ACACA: variants seen among roughly 807,000 people sequenced by gnomAD.
ACACA encodes acetyl-CoA carboxylase 1.
ACACA carries 103 observed loss-of-function variants against 296.1 expected under a neutral mutation model. That is an observed-to-expected ratio of 0.35 (90% CI 0.30 to 0.41). ACACA has a LOEUF of 0.41. ACACA is among the 10% of genes least tolerant of loss of function. The pLI is 1.00. For synonymous variants in ACACA, 953 were observed against 1,038.6 expected, an observed-to-expected ratio of 0.92 and a Z score of 1.58; for missense variants, 1,554 against 2,989.7, an observed-to-expected ratio of 0.52 and a Z score of 11.20.
intron 29 of ACACA, among the ~76,000 whole-genome samples, chr17:37,220,924 T>C (rs2079256745): frequency 1.3e-5 from 2 of 152,046 alleles, no homozygotes; most frequent in Admixed American, 6.5e-5. Context: ...AAAGAAGAAA[T>C]GGAGAGGGGC....
chr17:37,172,847 T>C (rs112906118), intron 41 of ACACA, among the ~76,000 whole-genome samples: 3,112 of 152,302 alleles, frequency 0.02, 108 homozygotes, highest in African/African-American at 0.072. Context: ...AGACCCTTTT[T>C]ATAAGTTGAA....
rs555914808 is a variant in ACACA, at chr17:37,406,653, G to A, written c.-354C>T. 2.7e-5 allele frequency: 13 copies of A among 474,344 alleles called. No homozygotes were observed. The highest frequency in any genetic ancestry group is 2.2e-4 in the African/African-American group (11 of 51,112). 29.4% of individuals were successfully genotyped at this position (474,344 alleles called of 1,614,324 possible). A position where few individuals can be genotyped will look rare whatever the true frequency, so the allele number is the denominator to read the frequency against. ...GGAAGCCTCAGGCAACGGGCCACGC[G>A]CCACACGGGCAAAGTGATTACTGGT... On this transcript the variant is annotated 5_prime_UTR_variant, in exon 1 of 56. Coordinates refer to ENST00000616317, the MANE Select transcript of ACACA (RefSeq NM_198834.3).
chr17:37,143,769 G>A, intron 45 of ACACA: 1 of 982,686 alleles, frequency 1.0e-6, no homozygotes. Context: ...TTTCGGCCTT[G>A]GCAACTCCCT....
At chr17:37,289,533 G>A (rs1384661539) in intron 3 of ACACA, 2 of 1,346,548 alleles carry the variant, frequency 1.5e-6, no homozygotes, top group Non-Finnish European at 9.8e-7. Flanking sequence ...CAAAGTCTGA[G>A]GATACAAAAA....
intron 52 of ACACA, among the ~76,000 whole-genome samples, chr17:37,105,789 G>A (rs975626307): frequency 1.3e-5 from 2 of 151,216 alleles, no homozygotes; most frequent in Non-Finnish European, 2.9e-5. Flanking sequence ...GCTTGAACCC[G>A]GGAGGCAGAG....
intron 1 of ACACA, among the ~76,000 whole-genome samples, chr17:37,375,403 CG>C (rs1362964637): frequency 6.6e-6 from 1 of 152,028 alleles, no homozygotes; most frequent in African/African-American, 2.4e-5. Flanking sequence ...AGGAGAATGG[CG>C]TGAACCTGGG....
chr17:37,283,426 G>C lies in ACACA; in HGVS notation c.472-21C>G, dbSNP rs1456519896. On this transcript the variant is annotated intron_variant, in intron 4 of 55. Transcript: ENST00000616317. ...AGAACCTGGGAGGGGGAAGGAGATG[G>C]GAATGGGAAGAAAAGGCAGAAAAAA... The C allele has an allele frequency of 5.6e-6, 9 of 1,613,814 alleles. No individual in the cohort carries two copies. The South Asian group carries it at 7.7e-5, about 14-fold the overall frequency.
intron 3 of ACACA, among the ~76,000 whole-genome samples, chr17:37,285,499 C>T (rs1185599219): frequency 2.0e-5 from 3 of 152,140 alleles, no homozygotes; most frequent in African/African-American, 7.2e-5. Context: ...TAAGGTTCTA[C>T]TTCTTTTCTT....
chr17:37,271,929 G>A (rs2082089697), intron 9 of ACACA, among the ~76,000 whole-genome samples: 1 of 152,212 alleles, frequency 6.6e-6, no homozygotes, highest in Non-Finnish European at 1.5e-5. Flanking sequence ...CCAAGATCGT[G>A]CCAATGCATT....
intron 52 of ACACA, 98 bp from the exon 53 acceptor site, chr17:37,098,082 C>T: frequency 2.7e-6 from 4 of 1,461,724 alleles, no homozygotes; most frequent in Non-Finnish European, 3.8e-6. Flanking sequence ...ATCAGCCTGC[C>T]CCCTCTTCCC....
At chr17:37,372,967 G>A (rs956699746) in intron 1 of ACACA, among the ~76,000 whole-genome samples, 5 of 151,462 alleles carry the variant, frequency 3.3e-5, no homozygotes, top group Non-Finnish European at 5.9e-5. Context: ...TGCAACCTCC[G>A]CCTCCCGGGT....
chr17:37,177,362 C>G (rs1020593944), intron 41 of ACACA, among the ~76,000 whole-genome samples: 1 of 151,636 alleles, frequency 6.6e-6, no homozygotes, highest in Non-Finnish European at 1.5e-5. Context: ...GCAGAGTAAA[C>G]ACTACATGTT....
rs570759104 is a variant in ACACA at position 37,378,004 on chromosome 17, T to C, written c.38+28258A>G. On this transcript the variant is annotated intron_variant, in intron 1 of 55. Transcript: ENST00000616317. The stretch of plus-strand genomic sequence containing the variant: ...CCTTTCTGGAAAATGATATTGCCAT[T>C]CCAAAAAATTTTTACCTTTAAAAGA... 3.4e-4 allele frequency: 533 copies of C among 1,579,056 alleles called. 5 individuals carry two copies. In the South Asian group the frequency reaches 5.5e-3, roughly 16 times the overall value.
intron 28 of ACACA, among the ~76,000 whole-genome samples, chr17:37,223,089 G>A (rs2079371872): frequency 6.6e-6 from 1 of 152,192 alleles, no homozygotes; most frequent in African/African-American, 2.4e-5. Flanking sequence ...CTTTGAGGAA[G>A]TATTTCATAA....
At chr17:37,089,143 A>C in intron 54 of ACACA, 69 bp from the exon 55 acceptor site, 1 of 1,608,414 alleles carries the variant, frequency 6.2e-7, no homozygotes, top group Non-Finnish European at 8.5e-7. Flanking sequence ...ACTATTCAGG[A>C]TCTGGAGTGC....
At chr17:37,232,435 A>T (rs943129238) in intron 25 of ACACA, among the ~76,000 whole-genome samples, 1 of 152,194 alleles carries the variant, frequency 6.6e-6, no homozygotes, top group Admixed American at 6.5e-5. Context: ...GGAAAGAATA[A>T]TCCAAACAAC....
intron 47 of ACACA, among the ~76,000 whole-genome samples, chr17:37,129,089 T>G (rs968808784): frequency 6.6e-6 from 1 of 152,228 alleles, no homozygotes; most frequent in Non-Finnish European, 1.5e-5. Context: ...AAGTAATAAG[T>G]GCTTTAATAA....
At chr17:37,135,918 T>A (rs535741705) in intron 45 of ACACA, among the ~76,000 whole-genome samples, 1 of 151,872 alleles carries the variant, frequency 6.6e-6, no homozygotes, top group African/African-American at 2.4e-5. Flanking sequence ...AATTCTTTTT[T>A]TTTTTTTTTT....
At chr17:37,262,883 T>C (rs997299714) in intron 11 of ACACA, among the ~76,000 whole-genome samples, 4 of 152,082 alleles carry the variant, frequency 2.6e-5, no homozygotes, top group Middle Eastern at 3.4e-3. Flanking sequence ...ACGTGTGCCA[T>C]GACACTCAGC....
Sources: allele counts gnomAD v4.1 joint callset (sites outside exome capture counted in the v4.1 genomes callset), GRCh38; gene constraint gnomAD v4.1.1; transcripts MANE v1.5; gene names NCBI Gene and HGNC (gene_info 2026-07-23, HGNC 2026-07-21).